EDIL3: variants seen among roughly 807,000 people sequenced by gnomAD.
EDIL3 encodes the protein EGF like and discoidin domains 3, also known as EGF-like repeat and discoidin I-like domain-containing protein 3.
Under a neutral mutation model 67.4 loss-of-function variants are expected in EDIL3, and 37 were observed. The ratio of observed to expected loss-of-function variants is 0.55; its 90% CI spans 0.42 to 0.72. EDIL3 has a LOEUF of 0.72. EDIL3 is among the 30% of genes least tolerant of loss of function. The probability of loss-of-function intolerance (pLI) is 0.00; values close to 1 mark genes in which losing one functional copy is unlikely to be tolerated. For missense variants in EDIL3, 527 were observed against 586.3 expected, an observed-to-expected ratio of 0.90 and a Z score of 1.04; for synonymous variants, 195 against 196.3, an observed-to-expected ratio of 0.99 and a Z score of 0.05.
intron 5 of EDIL3, among the ~76,000 whole-genome samples, chr5:84,122,510 G>A (rs1817272): frequency 0.22 from 33,917 of 151,720 alleles, 4,126 homozygotes; most frequent in East Asian, 0.32. Flanking sequence ...ATCCCTCATG[G>A]AGAGTATCTT....
At chr5:84,019,061 T>C (rs1298631046) in intron 9 of EDIL3, among the ~76,000 whole-genome samples, 1 of 152,112 alleles carries the variant, frequency 6.6e-6, no homozygotes, top group Non-Finnish European at 1.5e-5. Context: ...GCCCAAAGGA[T>C]TATAAATCAT....
chr5:84,230,250 G>A (rs1744544332), intron 2 of EDIL3, among the ~76,000 whole-genome samples: 1 of 151,940 alleles, frequency 6.6e-6, no homozygotes, highest in Non-Finnish European at 1.5e-5. Flanking sequence ...TGAAAAATAT[G>A]GATTGTATAT....
chr5:84,235,107 G>C (rs554151076), intron 2 of EDIL3, among the ~76,000 whole-genome samples: 111 of 152,272 alleles, frequency 7.3e-4, no homozygotes, highest in Non-Finnish European at 1.4e-3. Context: ...TACTGAGAGA[G>C]AGGTTTGGGT....
At chr5:84,102,405 A>G (rs1747383353) in intron 6 of EDIL3, among the ~76,000 whole-genome samples, 1 of 152,180 alleles carries the variant, frequency 6.6e-6, no homozygotes, top group East Asian at 1.9e-4. Context: ...ACATGATTCC[A>G]TATCTAGAAA....
chr5:84,128,139 A>C (rs1180889555), intron 5 of EDIL3, among the ~76,000 whole-genome samples: 1 of 152,094 alleles, frequency 6.6e-6, no homozygotes, highest in African/African-American at 2.4e-5. Flanking sequence ...GGCTAGGGTC[A>C]CACTAGCTGT....
intron 4 of EDIL3, among the ~76,000 whole-genome samples, chr5:84,163,661 GAAT>G (rs1311846127): frequency 6.6e-6 from 1 of 151,928 alleles, no homozygotes; most frequent in African/African-American, 2.4e-5. Flanking sequence ...ACGTAACTTA[GAAT>G]AATGTTAGTA....
intron 4 of EDIL3, among the ~76,000 whole-genome samples, chr5:84,140,358 TTA>T: frequency 6.6e-6 from 1 of 152,192 alleles, no homozygotes; most frequent in East Asian, 1.9e-4. Context: ...TCAATAATTA[TTA>T]TACATACTAT....
At chr5:84,236,959 T>G (rs907895029) in intron 2 of EDIL3, among the ~76,000 whole-genome samples, 26 of 152,032 alleles carry the variant, frequency 1.7e-4, no homozygotes, top group African/African-American at 5.1e-4. Context: ...TTTTGAAAAT[T>G]TAATACAGGA....
At chr5:84,130,203 C>T (rs1168352122) in intron 5 of EDIL3, among the ~76,000 whole-genome samples, 2 of 152,066 alleles carry the variant, frequency 1.3e-5, no homozygotes, top group African/African-American at 4.8e-5. Context: ...TCTTTTTTGC[C>T]CTCATGGCAC....
intron 9 of EDIL3, among the ~76,000 whole-genome samples, chr5:84,035,163 G>GTATA (rs528658034): frequency 6.0e-5 from 9 of 151,252 alleles, no homozygotes; most frequent in Admixed American, 5.9e-4. Flanking sequence ...ATTCATTGGA[G>GTATA]TATATATATA....
At chr5:84,119,639 G>A (rs1167426555) in intron 5 of EDIL3, among the ~76,000 whole-genome samples, 1 of 152,006 alleles carries the variant, frequency 6.6e-6, no homozygotes, top group African/African-American at 2.4e-5. Flanking sequence ...CTACGGAAAA[G>A]TTTCATATTA....
chr5:84,321,190 A>C (rs1159254926), intron 1 of EDIL3, among the ~76,000 whole-genome samples: 1 of 152,148 alleles, frequency 6.6e-6, no homozygotes, highest in East Asian at 1.9e-4. Flanking sequence ...GAAATAAATA[A>C]TTTAGGAGTA....
chr5:84,094,954 A>G (rs1747238297), intron 6 of EDIL3, among the ~76,000 whole-genome samples: 1 of 152,210 alleles, frequency 6.6e-6, no homozygotes, highest in Non-Finnish European at 1.5e-5. Flanking sequence ...TGAAGTTCAG[A>G]GAATTTTCAT....
chr5:84,110,587 G>T (rs1169505666), intron 5 of EDIL3, among the ~76,000 whole-genome samples: 2 of 152,144 alleles, frequency 1.3e-5, no homozygotes, highest in African/African-American at 2.4e-5. Flanking sequence ...GTACCCACAT[G>T]TGTTTTCTCA....
chr5:83,967,827 T>C (rs1175974548), intron 9 of EDIL3, among the ~76,000 whole-genome samples: 1 of 152,082 alleles, frequency 6.6e-6, no homozygotes, highest in Non-Finnish European at 1.5e-5. Context: ...TAAATAAGTG[T>C]GCAAGAAATG....
chr5:84,232,904 A>T (rs1033177885), intron 2 of EDIL3, among the ~76,000 whole-genome samples: 1 of 152,220 alleles, frequency 6.6e-6, no homozygotes, highest in Admixed American at 6.5e-5. Context: ...CAAAGTGGGC[A>T]TTAGTTGCCT....
At chr5:84,151,730 A>G (rs964218555) in intron 4 of EDIL3, among the ~76,000 whole-genome samples, 2 of 152,166 alleles carry the variant, frequency 1.3e-5, no homozygotes, top group African/African-American at 4.8e-5. Context: ...ATATAAAACT[A>G]TAACGGGGGT....
chr5:84,047,121 T>C (rs1032388750), intron 9 of EDIL3, among the ~76,000 whole-genome samples: 4 of 152,102 alleles, frequency 2.6e-5, no homozygotes, highest in African/African-American at 7.2e-5. Context: ...CTCCAAACCA[T>C]AAAGGTTCCA....
chr5:84,208,650 C>T (rs1485426340), intron 3 of EDIL3, among the ~76,000 whole-genome samples: 2 of 138,024 alleles, frequency 1.4e-5, no homozygotes, highest in Non-Finnish European at 3.0e-5. Context: ...CTGCAGTCCG[C>T]AGTCCGGCCT....
Sources: gnomAD v4.1 joint callset for allele counts (sites outside exome capture counted in the v4.1 genomes callset) on GRCh38, gnomAD v4.1.1 for gene constraint, MANE v1.5 for transcripts, NCBI Gene and HGNC (gene_info 2026-07-23, HGNC 2026-07-21) for gene names.